GALNTL6: variants seen among roughly 807,000 people sequenced by gnomAD.
GALNTL6 encodes the protein polypeptide N-acetylgalactosaminyltransferase-like 6.
A neutral mutation model predicts 73.7 loss-of-function variants in GALNTL6; 46 were observed. The ratio of observed to expected loss-of-function variants is 0.62; its 90% CI spans 0.49 to 0.80. The LOEUF is 0.80. GALNTL6 is among the 30% of genes least tolerant of loss of function. GALNTL6 has a pLI of 0.00. For missense variants in GALNTL6, 604 were observed against 755.0 expected, an observed-to-expected ratio of 0.80 and a Z score of 2.34; for synonymous variants, 259 against 263.7, an observed-to-expected ratio of 0.98 and a Z score of 0.17.
intron 2 of GALNTL6, among the ~76,000 whole-genome samples, chr4:172,177,785 A>ATG (rs1735072529): frequency 4.7e-5 from 3 of 64,070 alleles, no homozygotes; most frequent in African/African-American, 8.1e-5. Context: ...ATATATACAC[A>ATG]TGTGTATATA....
chr4:172,436,047 T>C (rs2111391800), intron 5 of GALNTL6, among the ~76,000 whole-genome samples: 1 of 152,242 alleles, frequency 6.6e-6, no homozygotes, highest in Admixed American at 6.6e-5. Flanking sequence ...ATCCTGCCAG[T>C]CTCCTTTCCG....
intron 5 of GALNTL6, among the ~76,000 whole-genome samples, chr4:172,453,393 G>A (rs1330886946): frequency 6.6e-6 from 1 of 152,168 alleles, no homozygotes; most frequent in South Asian, 2.1e-4. Context: ...AAAGTATTAT[G>A]CTTGAAATGC....
intron 5 of GALNTL6, among the ~76,000 whole-genome samples, chr4:172,712,618 A>T (rs951695368): frequency 1.3e-5 from 2 of 152,130 alleles, no homozygotes; most frequent in African/African-American, 4.8e-5. Flanking sequence ...AGATCACCTC[A>T]TTTTGATGTA....
At chr4:172,536,718 T>C (rs1735359723) in intron 5 of GALNTL6, among the ~76,000 whole-genome samples, 1 of 152,200 alleles carries the variant, frequency 6.6e-6, no homozygotes, top group African/African-American at 2.4e-5. Context: ...TTGGAACTTA[T>C]GTTTAAAAGG....
intron 2 of GALNTL6, among the ~76,000 whole-genome samples, chr4:172,139,010 T>C (rs894846988): frequency 7.9e-5 from 12 of 152,226 alleles, no homozygotes; most frequent in African/African-American, 2.9e-4. Context: ...ACCGAAGAGA[T>C]AGATCAATCG....
At chr4:172,309,969 TATATAAAA>T (rs1194104454) in intron 3 of GALNTL6, among the ~76,000 whole-genome samples, 2 of 152,022 alleles carry the variant, frequency 1.3e-5, no homozygotes, top group African/African-American at 4.8e-5. Flanking sequence ...ATAGCTGATA[TATATAAAA>T]ATATCAATTA....
At chr4:172,639,627 A>T (rs1383447261) in intron 5 of GALNTL6, among the ~76,000 whole-genome samples, 1 of 151,766 alleles carries the variant, frequency 6.6e-6, no homozygotes, top group Non-Finnish European at 1.5e-5. Context: ...AACTCTTCAC[A>T]CCTTCTTCTC....
At chr4:172,592,117 G>A (rs963239813) in intron 5 of GALNTL6, among the ~76,000 whole-genome samples, 2 of 152,202 alleles carry the variant, frequency 1.3e-5, no homozygotes, top group Non-Finnish European at 2.9e-5. Flanking sequence ...TTAGCTCACA[G>A]TTCTGCGGTC....
intron 7 of GALNTL6, among the ~76,000 whole-genome samples, chr4:172,849,913 C>T (rs963236618): frequency 1.3e-5 from 2 of 152,202 alleles, no homozygotes; most frequent in Admixed American, 6.5e-5. Flanking sequence ...CTCAGGTTGT[C>T]GAGAATCTTT....
intron 2 of GALNTL6, among the ~76,000 whole-genome samples, chr4:171,987,038 T>TC (rs1740117868): frequency 6.7e-6 from 1 of 150,308 alleles, no homozygotes; most frequent in Non-Finnish European, 1.5e-5. Flanking sequence ...GATGACAAGT[T>TC]TTTGGGGGCA....
chr4:172,826,938 T>G (rs1742301189), intron 7 of GALNTL6, among the ~76,000 whole-genome samples: 1 of 152,194 alleles, frequency 6.6e-6, no homozygotes, highest in Admixed American at 6.5e-5. Flanking sequence ...TCTCCTCCAC[T>G]CTCAGGATGG....
At chr4:171,863,676 A>G (rs1307804956) in intron 2 of GALNTL6, among the ~76,000 whole-genome samples, 2 of 152,196 alleles carry the variant, frequency 1.3e-5, no homozygotes, top group African/African-American at 4.8e-5. Flanking sequence ...TCAAGAAAAA[A>G]ATTATAAGTC....
At chr4:172,693,147 C>T (rs1733420681) in intron 5 of GALNTL6, among the ~76,000 whole-genome samples, 1 of 152,050 alleles carries the variant, frequency 6.6e-6, no homozygotes, top group South Asian at 2.1e-4. Context: ...CCTCAAATTC[C>T]TCCCTTCTCT....
chr4:172,846,863 T>C (rs1743537271), intron 7 of GALNTL6, among the ~76,000 whole-genome samples: 1 of 152,206 alleles, frequency 6.6e-6, no homozygotes, highest in South Asian at 2.1e-4. Context: ...TTAGAAGTCT[T>C]ACATTGTTTA....
intron 2 of GALNTL6, among the ~76,000 whole-genome samples, chr4:171,873,886 T>A (rs1030362660): frequency 1.3e-5 from 2 of 152,230 alleles, no homozygotes; most frequent in East Asian, 1.9e-4. Flanking sequence ...GGACATGACA[T>A]TACTATTAGG....
chr4:172,147,501 G>T (rs1733957297), intron 2 of GALNTL6, among the ~76,000 whole-genome samples: 1 of 152,108 alleles, frequency 6.6e-6, no homozygotes, highest in Admixed American at 6.5e-5. Flanking sequence ...AGTACATAAC[G>T]TGTGTTACAT....
chr4:172,163,001 CAT>C (rs559746596), intron 2 of GALNTL6, among the ~76,000 whole-genome samples: 26 of 152,138 alleles, frequency 1.7e-4, no homozygotes, highest in Middle Eastern at 3.4e-3. Flanking sequence ...ATTTAGAAGA[CAT>C]GTCTGGCAGC....
chr4:172,796,691 A>G (rs563087735), intron 5 of GALNTL6, among the ~76,000 whole-genome samples: 4 of 152,250 alleles, frequency 2.6e-5, no homozygotes, highest in Admixed American at 2.6e-4. Flanking sequence ...CCTTGAGAGG[A>G]CACATCTTTA....
At chr4:172,419,059 T>C (rs970829458) in intron 5 of GALNTL6, among the ~76,000 whole-genome samples, 5 of 152,270 alleles carry the variant, frequency 3.3e-5, no homozygotes, top group African/African-American at 1.2e-4. Flanking sequence ...TTGTTACTAT[T>C]GTATGGATGG....
Sources: allele counts gnomAD v4.1 joint callset (sites outside exome capture counted in the v4.1 genomes callset), GRCh38; gene constraint gnomAD v4.1.1; transcripts MANE v1.5; gene names NCBI Gene and HGNC (gene_info 2026-07-23, HGNC 2026-07-21).